CACNA1E: variants seen among roughly 807,000 people sequenced by gnomAD.
CACNA1E encodes calcium voltage-gated channel subunit alpha1 E.
Under a neutral mutation model 259.2 loss-of-function variants are expected in CACNA1E, and 40 were observed. That is an observed-to-expected ratio of 0.15 (90% CI 0.12 to 0.20). The LOEUF is 0.20. Ranked by LOEUF, CACNA1E falls within the 10% of genes least tolerant of loss-of-function variation. The pLI is 1.00. For synonymous variants in CACNA1E, 1,104 were observed against 1,138.5 expected, an observed-to-expected ratio of 0.97 and a Z score of 0.61; for missense variants, 1,874 against 3,040.1, an observed-to-expected ratio of 0.62 and a Z score of 9.02.
rs1303216489 is a variant in CACNA1E, at chr1:181,800,657, G to A, written c.*1823G>A. ...AGTGGATAAACACTCCTCCAGCCCAGACACACTCCTCCTCTTGGGCAGGAG... is the reference window on the plus strand; with the variant it reads ...AGTGGATAAACACTCCTCCAGCCCAAACACACTCCTCCTCTTGGGCAGGAG... On this transcript the variant is annotated 3_prime_UTR_variant, in exon 48 of 48. Coordinates refer to ENST00000367573, the MANE Select transcript of CACNA1E (RefSeq NM_001205293.3). 6.6e-6 allele frequency: 1 copy of A among 152,542 alleles called. No homozygotes were observed. Among genetic ancestry groups the A allele is most frequent in the Non-Finnish European group, 1.5e-5 (1 of 68,008 alleles). The allele number at this position is 152,542 out of a possible 1,614,324, so 9.4% of individuals were successfully genotyped here. A position where few individuals can be genotyped will look rare whatever the true frequency, so the allele number is the denominator to read the frequency against.
intron 7 of CACNA1E, among the ~76,000 whole-genome samples, chr1:181,663,098 A>G (rs1331783296): frequency 2.0e-5 from 3 of 152,212 alleles, no homozygotes; most frequent in Non-Finnish European, 4.4e-5. Context: ...CCATAGCACT[A>G]TATGCCTGTT....
chr1:181,531,823 G>A (rs996591483), intron 3 of CACNA1E, among the ~76,000 whole-genome samples: 3 of 152,228 alleles, frequency 2.0e-5, no homozygotes, highest in African/African-American at 7.2e-5. Context: ...GGGAGGCCAA[G>A]GCGGGTCCAT....
intron 2 of CACNA1E, among the ~76,000 whole-genome samples, chr1:181,426,652 CCCATCTCTACCCCTTT>C (rs1571844986): frequency 4.1e-5 from 6 of 146,522 alleles, no homozygotes; most frequent in Admixed American, 1.4e-4. Flanking sequence ...TCAACCCCTT[CCCATCTCTACCCCTTT>C]ACAATTCAAC....
intron 2 of CACNA1E, among the ~76,000 whole-genome samples, chr1:181,440,091 G>A (rs2102289996): frequency 6.6e-6 from 1 of 152,338 alleles, no homozygotes; most frequent in Middle Eastern, 3.4e-3. Context: ...AATTATCTCA[G>A]TATGGTTTGG....
At chr1:181,525,036 C>A (rs955108200) in intron 3 of CACNA1E, among the ~76,000 whole-genome samples, 1 of 152,118 alleles carries the variant, frequency 6.6e-6, no homozygotes, top group East Asian at 1.9e-4. Context: ...AGTATTGAGG[C>A]TAGAAAGATA....
chr1:181,760,185 A>G (rs1004681761), intron 32 of CACNA1E, among the ~76,000 whole-genome samples: 13 of 152,066 alleles, frequency 8.5e-5, no homozygotes, highest in Non-Finnish European at 1.5e-5. Context: ...TTATGTGTCT[A>G]ATTATGGTGA....
chr1:181,372,828 ATTT>A (rs1205982576), intron 1 of CACNA1E, among the ~76,000 whole-genome samples: 1 of 101,646 alleles, frequency 9.8e-6, no homozygotes, highest in African/African-American at 3.3e-5. Context: ...ATATATATAT[ATTT>A]TTTTTTTAAC....
chr1:181,366,425 C>T (rs865818417), intron 1 of CACNA1E, among the ~76,000 whole-genome samples: 3 of 152,194 alleles, frequency 2.0e-5, no homozygotes, highest in Non-Finnish European at 4.4e-5. Context: ...ATCTTATTAA[C>T]TGATTTGACC....
chr1:181,330,696 A>G lies in CACNA1E; in HGVS notation c.-15+12573A>G, dbSNP rs74336250. ...GAGTCCAACGTAGTGTCAGAAAAGC[A>G]AGAGCTAAGCAGCCAGGGAGTCAGT... On this transcript the variant is annotated intron_variant, in intron 1 of 11. Coordinates refer to the CACNA1E transcript ENST00000524607. 1.2e-3 allele frequency among the ~76,000 whole-genome samples: 177 copies of G among 152,324 alleles called. 1 individual carries two copies. The highest frequency in any genetic ancestry group is 4.1e-3 in the African/African-American group (169 of 41,570).
chr1:181,406,708 T>C (rs1350866778), intron 1 of CACNA1E, among the ~76,000 whole-genome samples: 1 of 152,210 alleles, frequency 6.6e-6, no homozygotes, highest in East Asian at 1.9e-4. Context: ...AAATGATGTA[T>C]GATCATTTTA....
rs1242442958 is a variant in CACNA1E at position 181,796,832 on chromosome 1, G to A, written c.6373G>A (p.Gly2125Ser). The A allele has an allele frequency of 5.6e-6, 9 of 1,605,138 alleles. No individual in the cohort carries two copies. The highest frequency in any genetic ancestry group is 6.0e-6 in the Non-Finnish European group (7 of 1,175,690). ...ERRQSRSPSE[G>S]RSQTPNRQGT... ...CCGTCAATCCAGGTCACCCAGTGAG[G>A]GCAGGTCACAGACGCCCAACAGACA... is the stretch of plus-strand genomic sequence containing the variant. Residue 2125 changes from glycine (G) to serine (S), a missense_variant, in exon 47 of 48, where the codon GGC becomes AGC. Physicochemically the swap from Gly to Ser is moderately conservative, Grantham distance 56 (BLOSUM62 0). Transcript: ENST00000367573.
intron 39 of CACNA1E, 60 bp from the exon 40 acceptor site, chr1:181,783,619 T>G: frequency 2.1e-6 from 2 of 949,716 alleles, no homozygotes; most frequent in Non-Finnish European, 3.4e-6. Flanking sequence ...CCTTTCTCAC[T>G]GAGATGTCTT....
At chr1:181,514,190 G>A (rs970104084) in intron 3 of CACNA1E, among the ~76,000 whole-genome samples, 5 of 152,152 alleles carry the variant, frequency 3.3e-5, no homozygotes, top group Non-Finnish European at 7.4e-5. Flanking sequence ...TAAGATGCAC[G>A]TTTTTCATGC....
chr1:181,361,808 C>T (rs964611130), intron 1 of CACNA1E, among the ~76,000 whole-genome samples: 1 of 152,172 alleles, frequency 6.6e-6, no homozygotes, highest in Admixed American at 6.5e-5. Context: ...TAGCTTTGGG[C>T]AAATTACTTA....
At chr1:181,321,366 G>A (rs1053607857) in intron 1 of CACNA1E, among the ~76,000 whole-genome samples, 1 of 152,146 alleles carries the variant, frequency 6.6e-6, no homozygotes, top group African/African-American at 2.4e-5. Context: ...AATCCTACCT[G>A]GGGTGGTGGA....
chr1:181,618,347 T>G (rs1655418245), intron 6 of CACNA1E, among the ~76,000 whole-genome samples: 1 of 152,140 alleles, frequency 6.6e-6, no homozygotes, highest in Admixed American at 6.5e-5. Flanking sequence ...GGTGGATCAC[T>G]TGAGGTCAGG....
intron 6 of CACNA1E, among the ~76,000 whole-genome samples, chr1:181,591,438 G>A (rs1447288448): frequency 6.6e-6 from 1 of 152,066 alleles, no homozygotes; most frequent in African/African-American, 2.4e-5. Flanking sequence ...ACAAAAATAA[G>A]CTGGATGCCA....
chr1:181,346,456 A>G (rs1652601394), intron 1 of CACNA1E, among the ~76,000 whole-genome samples: 1 of 152,198 alleles, frequency 6.6e-6, no homozygotes. Flanking sequence ...CCCCAGTGGA[A>G]GGGAGAAGGC....
At chr1:181,447,836 C>G (rs990472967) in intron 2 of CACNA1E, among the ~76,000 whole-genome samples, 1 of 152,132 alleles carries the variant, frequency 6.6e-6, no homozygotes, top group African/African-American at 2.4e-5. Flanking sequence ...CTGGCTGTAA[C>G]CTAAGGGCTC....
Sources: allele counts gnomAD v4.1 joint callset (sites outside exome capture counted in the v4.1 genomes callset), GRCh38; gene constraint gnomAD v4.1.1; transcripts MANE v1.5; gene names NCBI Gene and HGNC (gene_info 2026-07-23, HGNC 2026-07-21).